Variants in ZEB1 observed in about 807,000 individuals in gnomAD.
The protein encoded by ZEB1 is zinc finger E-box binding homeobox 1.
A neutral mutation model predicts 84.9 loss-of-function variants in ZEB1; 21 were observed. The observed-to-expected ratio is 0.25, with a 90% CI of 0.18 to 0.36. ZEB1 has a LOEUF of 0.36. Ranked by LOEUF, ZEB1 falls within the 10% of genes least tolerant of loss-of-function variation. ZEB1 has a pLI of 1.00. For synonymous variants in ZEB1, 420 were observed against 471.1 expected (o/e 0.89, Z 1.41); for missense variants, 1,104 against 1,330.2 (o/e 0.83, Z 2.65).
At chr10:31,319,668 C>T (rs1386119846) in intron 1 of ZEB1, 2 of 250,806 alleles carry the variant, frequency 8.0e-6, no homozygotes, top group Non-Finnish European at 1.5e-5. Flanking sequence ...TGCTTCTTTC[C>T]GCACTTTTCC....
At chr10:31,467,250 A>G (rs2062553694) in intron 2 of ZEB1, among the ~76,000 whole-genome samples, 1 of 152,238 alleles carries the variant, frequency 6.6e-6, no homozygotes, top group South Asian at 2.1e-4. Context: ...TGGAGACCAT[A>G]CAGAGGCACT....
chr10:31,488,563 TTCTG>T (rs1450387078), intron 2 of ZEB1, among the ~76,000 whole-genome samples: 1 of 150,936 alleles, frequency 6.6e-6, no homozygotes, highest in African/African-American at 2.4e-5. Flanking sequence ...TATTACTTCT[TTCTG>T]CTTGCTTTGG....
At position 31,363,333 on chromosome 10, in the gene ZEB1, G is replaced by T. The variant is rs963504434; in HGVS notation, c.58+44041G>T. ...CTCCAGCAGGGCTGTGTGAACTGGC[G>T]ACTCCATGGCCCTTGGAGTAGAAAC... On this transcript the variant is annotated intron_variant, in intron 1 of 8. Coordinates refer to ENST00000424869, the MANE Select transcript of ZEB1 (RefSeq NM_001174096.2). The T allele has an allele frequency of 6.1e-5, 93 of 1,533,564 alleles. 1 individual carries two copies. Among genetic ancestry groups the T allele is most frequent in the African/African-American group, 8.2e-5 (6 of 72,954 alleles). The allele number at this position is 1,533,564 out of a possible 1,614,324, so 95.0% of individuals were successfully genotyped here. A position where few individuals can be genotyped will look rare whatever the true frequency, so the allele number is the denominator to read the frequency against.
At chr10:31,321,195 G>C in intron 1 of ZEB1, 1 of 1,098,708 alleles carries the variant, frequency 9.1e-7, no homozygotes, top group Non-Finnish European at 1.1e-6. Flanking sequence ...GGCAATTTTA[G>C]ATTTTGTGTG....
chr10:31,348,629 G>T (rs961712357), intron 1 of ZEB1, among the ~76,000 whole-genome samples: 1 of 152,066 alleles, frequency 6.6e-6, no homozygotes, highest in South Asian at 2.1e-4. Flanking sequence ...CACTCCTCCT[G>T]AGACTTAGGG....
chr10:31,327,935 C>T (rs565515496), intron 1 of ZEB1, among the ~76,000 whole-genome samples: 9 of 152,228 alleles, frequency 5.9e-5, no homozygotes, highest in Admixed American at 4.6e-4. Flanking sequence ...TCCTTGCTAG[C>T]TGTTTGGGTT....
intron 2 of ZEB1, among the ~76,000 whole-genome samples, chr10:31,480,909 C>A (rs976975187): frequency 6.6e-6 from 1 of 151,934 alleles, no homozygotes; most frequent in African/African-American, 2.4e-5. Context: ...TTTCATTCTC[C>A]CTATCTGCTG....
In ZEB1 at chr10:31,419,283, G is replaced by A. The variant is rs1191297397; in HGVS notation, c.59-41754G>A. The stretch of plus-strand genomic sequence containing the variant: ...GCTGTAACATGCATGAATGCCCTGG[G>A]GGGATAAGGTTTGTGGCAGCAGTAA... On this transcript the variant is annotated intron_variant, in intron 1 of 8. Coordinates refer to ENST00000424869, the MANE Select transcript of ZEB1 (RefSeq NM_001174096.2). Among the ~76,000 whole-genome samples, 4 of 152,250 alleles carry A rather than the reference G, an allele frequency of 2.6e-5. 1 individual carries two copies. The highest frequency in any genetic ancestry group is 2.0e-4 in the Admixed American group (3 of 15,300).
chr10:31,438,185 C>T (rs2058500555), intron 1 of ZEB1, among the ~76,000 whole-genome samples: 1 of 152,188 alleles, frequency 6.6e-6, no homozygotes, highest in Non-Finnish European at 1.5e-5. Context: ...CAGCTTCCCT[C>T]AGCACTAGCT....
At chr10:31,378,449 T>G (rs1283144164) in intron 1 of ZEB1, among the ~76,000 whole-genome samples, 3 of 151,756 alleles carry the variant, frequency 2.0e-5, no homozygotes, top group Non-Finnish European at 4.4e-5. Context: ...GTAGAAGATT[T>G]AAGACTACCT....
chr10:31,448,671 C>T (rs978786151), intron 1 of ZEB1, among the ~76,000 whole-genome samples: 42 of 152,102 alleles, frequency 2.8e-4, no homozygotes, highest in African/African-American at 7.2e-4. Context: ...AATACCCTGC[C>T]GTGTGAGGTG....
At chr10:31,349,316 A>G (rs2040889198) in intron 1 of ZEB1, among the ~76,000 whole-genome samples, 1 of 152,204 alleles carries the variant, frequency 6.6e-6, no homozygotes, top group African/African-American at 2.4e-5. Flanking sequence ...CTATCAGTTC[A>G]TCTGTTGATG....
chr10:31,468,554 C>T (rs1490010950), intron 2 of ZEB1, among the ~76,000 whole-genome samples: 2 of 152,140 alleles, frequency 1.3e-5, no homozygotes. Flanking sequence ...AAAAGACCTC[C>T]AACTTTGCAT....
intron 6 of ZEB1, among the ~76,000 whole-genome samples, chr10:31,518,169 C>G (rs1031665335): frequency 6.6e-6 from 1 of 151,988 alleles, no homozygotes; most frequent in Admixed American, 6.6e-5. Context: ...TTGTTTTACC[C>G]CCACTGGAAA....
chr10:31,382,442 A>G (rs181557476), intron 1 of ZEB1, among the ~76,000 whole-genome samples: 90 of 152,266 alleles, frequency 5.9e-4, no homozygotes, highest in African/African-American at 1.9e-3. Flanking sequence ...GGAATACAAA[A>G]TTTGTCCCAT....
chr10:31,394,155 C>T (rs767002889), intron 1 of ZEB1, among the ~76,000 whole-genome samples: 1 of 152,088 alleles, frequency 6.6e-6, no homozygotes, highest in Non-Finnish European at 1.5e-5. Context: ...ATCTGAGGGA[C>T]ATTAGATTTA....
intron 1 of ZEB1, among the ~76,000 whole-genome samples, chr10:31,386,078 T>G (rs571344179): frequency 6.6e-6 from 1 of 152,212 alleles, no homozygotes; most frequent in South Asian, 2.1e-4. Flanking sequence ...TAGACAACCA[T>G]TTTATCACTT....
chr10:31,520,794 G>A lies in ZEB1; in HGVS notation c.1462G>A (p.Val488Ile). 1.2e-6 allele frequency: 2 copies of A among 1,614,006 alleles called. No individual in the cohort carries two copies. The highest frequency in any genetic ancestry group is 1.7e-6 in the Non-Finnish European group (2 of 1,179,966). Residue 488 changes from valine to isoleucine, a missense_variant, in exon 7 of 9, where the codon GTT becomes ATT. Physicochemically the swap from Val to Ile is conservative, Grantham distance 29. Transcript: ENST00000424869. This position sits in a 1 kb window ranked among gnomAD's most constrained non-coding sequence, Gnocchi z 5.1. ...YSLEQPSQLQVVPQNLKKENP... is the reference protein window; with the variant it reads ...YSLEQPSQLQIVPQNLKKENP... ...TCTTGAGCAGCCTAGCCAACTTCAA[G>A]TTGTTCCTCAAAATTTAAAAAAAGA... is the stretch of plus-strand genomic sequence containing the variant.
intron 1 of ZEB1, among the ~76,000 whole-genome samples, chr10:31,337,882 C>T (rs963852862): frequency 2.7e-4 from 41 of 152,116 alleles, no homozygotes; most frequent in African/African-American, 9.9e-4. Context: ...CAGGGTTTCA[C>T]CATCTTGGCC....
Sources: gnomAD v4.1 joint callset for allele counts (sites outside exome capture counted in the v4.1 genomes callset) on GRCh38, gnomAD v4.1.1 for gene constraint, Gnocchi (gnomAD v3.1) non-coding constraint, MANE v1.5 for transcripts, NCBI Gene and HGNC (gene_info 2026-07-23, HGNC 2026-07-21) for gene names.